Variants in BMP4 observed in about 807,000 individuals in gnomAD.
BMP4 encodes the protein bone morphogenetic protein 4, also known as bone morphogenetic protein 2B.
BMP4 carries 3 observed loss-of-function variants against 29.6 expected under a neutral mutation model. The observed-to-expected ratio is 0.10, with a 90% CI of 0.05 to 0.26. The LOEUF (loss-of-function observed/expected upper bound fraction) is 0.26, where lower values mean the gene tolerates loss of function less well. Ranked by LOEUF, BMP4 falls within the 10% of genes least tolerant of loss-of-function variation. The probability of loss-of-function intolerance (pLI) is 1.00; values close to 1 mark genes in which losing one functional copy is unlikely to be tolerated. For synonymous variants in BMP4, 197 were observed against 213.2 expected (o/e 0.92, Z 0.66); for missense variants, 455 against 550.2 (o/e 0.83, Z 1.73).
In BMP4 at chr14:53,949,961, C is replaced by G; in HGVS notation, c.*71G>C. 1 of 1,517,868 alleles carries G rather than the reference C, an allele frequency of 6.6e-7. No individual in the cohort carries two copies. Among genetic ancestry groups the G allele is most frequent in the South Asian group, 1.2e-5 (1 of 86,454 alleles). The allele number at this position is 1,517,868 out of a possible 1,614,324, so 94.0% of individuals were successfully genotyped here. A position where few individuals can be genotyped will look rare whatever the true frequency, so the allele number is the denominator to read the frequency against. On this transcript the variant is annotated 3_prime_UTR_variant, in exon 4 of 4. Coordinates refer to ENST00000245451, the MANE Select transcript of BMP4 (RefSeq NM_001202.6). Reference sequence around the variant, plus strand: ...TAGTGTGTGGGTGAGTGGATGGGAACGTGTGTGTGTGGTGTATGTGGTGTG... The same window carrying G: ...TAGTGTGTGGGTGAGTGGATGGGAAGGTGTGTGTGTGGTGTATGTGGTGTG...
chr14:53,951,769 G>A lies in BMP4; in HGVS notation c.370+84C>T, dbSNP rs761256804. On this transcript the variant is annotated intron_variant, in intron 3 of 3. Coordinates refer to ENST00000245451, the MANE Select transcript of BMP4 (RefSeq NM_001202.6). Reference sequence around the variant, plus strand: ...CTGGACTGGGGCTTTGATGTAACCCGAACTCTTCTTCCCCAGGGCTTTCAC... The same window carrying A: ...CTGGACTGGGGCTTTGATGTAACCCAAACTCTTCTTCCCCAGGGCTTTCAC... 1.2e-5 allele frequency: 18 copies of A among 1,550,318 alleles called. No individual in the cohort carries two copies. The Admixed American group carries it at 2.5e-4, about 22-fold the overall frequency.
chr14:53,953,396 G>C lies in BMP4; in HGVS notation c.-128C>G, dbSNP rs1057184255. On this transcript the variant is annotated 5_prime_UTR_variant, in exon 2 of 4. Transcript: ENST00000245451. ...GTTGCTCGGGATGGCACTACGGAAT[G>C]GCTCCTAAAAGGAATATTTGAATAT... 8 of 399,034 alleles carry C rather than the reference G, an allele frequency of 2.0e-5. No individual in the cohort carries two copies. In the Admixed American group the frequency reaches 2.6e-4, roughly 13 times the overall value. The allele number at this position is 399,034 out of a possible 1,614,324, so 24.7% of individuals were successfully genotyped here. A position where few individuals can be genotyped will look rare whatever the true frequency, so the allele number is the denominator to read the frequency against.
In BMP4 at chr14:53,949,881, T is replaced by C; in HGVS notation, c.*151A>G. On this transcript the variant is annotated 3_prime_UTR_variant, in exon 4 of 4. Coordinates refer to ENST00000245451, the MANE Select transcript of BMP4 (RefSeq NM_001202.6). ...TCAAGGTGAATGTTTAGGGATTTTTTCCTTTTTTTTTTTTTTTTTTAAATA... is the reference window on the plus strand; with the variant it reads ...TCAAGGTGAATGTTTAGGGATTTTTCCCTTTTTTTTTTTTTTTTTTAAATA... 1 of 719,044 alleles carries C rather than the reference T, an allele frequency of 1.4e-6. No individual in the cohort carries two copies. Among genetic ancestry groups the C allele is most frequent in the Non-Finnish European group, 2.1e-6 (1 of 471,652 alleles). 44.5% of individuals were successfully genotyped at this position (719,044 alleles called of 1,614,324 possible). A position where few individuals can be genotyped will look rare whatever the true frequency, so the allele number is the denominator to read the frequency against.
Position 53,954,421 on chromosome 14 carries a change from CA to C in BMP4, c.-132-1022del, listed in dbSNP as rs1426763001. ...ACCCGGCGCAGAAAGGAAATCCCAC[CA>C]TGTTCCCCGGAGTCGAGAAAACGGT... On this transcript the variant is annotated intron_variant, in intron 1 of 3. Coordinates refer to ENST00000245451, the MANE Select transcript of BMP4 (RefSeq NM_001202.6). The surrounding 1 kb of genome is among the most constrained non-coding windows in gnomAD (Gnocchi z 4.8). The C allele has an allele frequency of 1.3e-5, 2 of 152,142 alleles. No homozygotes were observed. The highest frequency in any genetic ancestry group is 2.9e-5 in the Non-Finnish European group (2 of 68,054). 9.4% of individuals were successfully genotyped at this position (152,142 alleles called of 1,614,324 possible).
At chr14:53,956,505 T>G in intron 1 of BMP4, 45 bp downstream of exon 1, 1 of 399,724 alleles carries the variant, frequency 2.5e-6, no homozygotes, top group East Asian at 3.6e-5. Flanking sequence ...AGGAGGCTCC[T>G]AGACCCCCTC....
chr14:53,953,531 C>G (rs1377578490), intron 1 of BMP4, 131 bp from the exon 2 acceptor site: 1 of 390,230 alleles, frequency 2.6e-6, no homozygotes, highest in Non-Finnish European at 4.5e-6. Flanking sequence ...GCGCCCTCCC[C>G]TCCTCCACAG....
chr14:53,952,099 C>T lies in BMP4; in HGVS notation c.124G>A (p.Ala42Thr). 6.2e-7 allele frequency: 1 copy of T among 1,613,862 alleles called. No homozygotes were observed. The highest frequency in any genetic ancestry group is 8.5e-7 in the Non-Finnish European group (1 of 1,179,758). The change falls in exon 3 of 4, where the codon GCG becomes ACG. Residue 42 changes from alanine to threonine, a missense_variant. This residue lies in a region of BMP4 where 249 missense variants were observed against 284.6 expected (regional missense o/e 0.87). Coordinates refer to ENST00000245451, the MANE Select transcript of BMP4 (RefSeq NM_001202.6). Reference protein sequence around the residue: ...KKKVAEIQGHAGGRRSGQSHE... With the variant: ...KKKVAEIQGHTGGRRSGQSHE... ...CTCTGCCCTGAGCGGCGTCCTCCCG[C>T]GTGGCCCTGAATCTCGGCGACTTTT...
At position 53,950,257 on chromosome 14, in the gene BMP4, G is replaced by A. The variant is rs1443117102; in HGVS notation, c.1002C>T (p.Ala334=). The change falls in exon 4 of 4, where the codon GCC becomes GCT. Residue 334 remains alanine, a synonymous_variant. Transcript: ENST00000245451. This position sits in a 1 kb window ranked among gnomAD's most constrained non-coding sequence, Gnocchi z 5.4. ...AGGGGCAGTCCCCATGGCAGTAGAA[G>A]GCCTGGTAGCCTGGTGGGGCCACAA... ...DWIVAPPGYQ[A]FYCHGDCPFP... The A allele has an allele frequency of 6.2e-7, 1 of 1,614,152 alleles. No homozygotes were observed. The highest frequency in any genetic ancestry group is 8.5e-7 in the Non-Finnish European group (1 of 1,180,064).
At chr14:53,956,852 C>T, upstream of BMP4, 2 of 395,632 alleles carry the variant, frequency 5.1e-6, no homozygotes, top group Non-Finnish European at 8.9e-6. Context: ...CCCTCGCTTT[C>T]TTTCTTTCCT....
chr14:53,953,880 T>A (rs1327656505), intron 1 of BMP4, among the ~76,000 whole-genome samples: 1 of 148,836 alleles, frequency 6.7e-6, no homozygotes, highest in Non-Finnish European at 1.5e-5. Context: ...CGAGAGGCAC[T>A]TAAAAAGGAA....
chr14:53,956,700 C>G lies in BMP4; in HGVS notation c.-283G>C, dbSNP rs544529209. The G allele has an allele frequency of 1.9e-3, 765 of 399,180 alleles. 9 individuals carry two copies. The highest frequency in any genetic ancestry group is 0.014 in the African/African-American group (705 of 48,752). 24.7% of individuals were successfully genotyped at this position (399,180 alleles called of 1,614,324 possible). ...CCATCGGGGAGACAAGCTAGATACTCAGCCGGAGCAGCAGCGGCGTCTCAG... is the reference window on the plus strand; with the variant it reads ...CCATCGGGGAGACAAGCTAGATACTGAGCCGGAGCAGCAGCGGCGTCTCAG... On this transcript the variant is annotated 5_prime_UTR_variant, in exon 1 of 4. Coordinates refer to ENST00000245451, the MANE Select transcript of BMP4 (RefSeq NM_001202.6).
chr14:53,952,001 G>A lies in BMP4; in HGVS notation c.222C>T (p.Ser74=), dbSNP rs1895450720. 1 of 1,613,680 alleles carries A rather than the reference G, an allele frequency of 6.2e-7. No individual in the cohort carries two copies. The highest frequency in any genetic ancestry group is 1.3e-5 in the African/African-American group (1 of 74,954). ...MFGLRRRPQP[S]KSAVIPDYMR... ...TGTAGTCCGGAATGACGGCACTCTTGCTAGGCTGCGGGCGGCGGCGCAGCC... is the reference window on the plus strand; with the variant it reads ...TGTAGTCCGGAATGACGGCACTCTTACTAGGCTGCGGGCGGCGGCGCAGCC... Residue 74 remains serine (S), a synonymous_variant, in exon 3 of 4, where the codon AGC becomes AGT. Transcript: ENST00000245451.
At position 53,950,492 on chromosome 14, in the gene BMP4, C is replaced by T. The variant is rs746984770; in HGVS notation, c.767G>A (p.Arg256Gln). The change falls in exon 4 of 4, where the codon CGA (arginine) becomes CAA (glutamine). Residue 256 changes from arginine (R) to glutamine (Q), a missense_variant. Coordinates refer to ENST00000245451, the MANE Select transcript of BMP4 (RefSeq NM_001202.6). This position sits in a 1 kb window ranked among gnomAD's most constrained non-coding sequence, Gnocchi z 5.4. ...ATTCCCACTCCCTTGAGGTAACGAT[C>T]GGCTAATCCTGACATGCTGGCCCTG... ...THQGQHVRIS[R>Q]SLPQGSGNWA... is the part of the protein sequence containing the mutation. 1.4e-5 allele frequency: 23 copies of T among 1,614,136 alleles called. No individual in the cohort carries two copies. The highest frequency in any genetic ancestry group is 1.9e-5 in the Non-Finnish European group (22 of 1,180,032).
Position 53,955,101 on chromosome 14 carries a change from G to T in BMP4, c.-133+1449C>A, listed in dbSNP as rs1481009122. Among the ~76,000 whole-genome samples the T allele has an allele frequency of 6.6e-6, 1 of 152,214 alleles. No homozygotes were observed. The highest frequency in any genetic ancestry group is 2.4e-5 in the African/African-American group (1 of 41,462). Reference sequence around the variant, plus strand: ...GAGCCGCGCGGCTTTCGCCTTTGCTGGTCCCGCGCCACCGCTGGGGCGGGC... The same window carrying T: ...GAGCCGCGCGGCTTTCGCCTTTGCTTGTCCCGCGCCACCGCTGGGGCGGGC... On this transcript the variant is annotated intron_variant, in intron 1 of 3. Coordinates refer to ENST00000245451, the MANE Select transcript of BMP4 (RefSeq NM_001202.6). The surrounding 1 kb of genome is among the most constrained non-coding windows in gnomAD (Gnocchi z 4.0).
In BMP4 at chr14:53,950,469, T is replaced by A. The variant is rs750213467; in HGVS notation, c.790A>T (p.Asn264Tyr). 1 of 1,614,044 alleles carries A rather than the reference T, an allele frequency of 6.2e-7. No homozygotes were observed. Among genetic ancestry groups the A allele is most frequent in the Non-Finnish European group, 8.5e-7 (1 of 1,180,032 alleles). Residue 264 changes from asparagine to tyrosine, a missense_variant, in exon 4 of 4, where the codon AAT (asparagine) becomes TAT (tyrosine). Coordinates refer to ENST00000245451, the MANE Select transcript of BMP4 (RefSeq NM_001202.6). This position sits in a 1 kb window ranked among gnomAD's most constrained non-coding sequence, Gnocchi z 5.4. ...AGGAGGGGCCGGAGCTGGGCCCAAT[T>A]CCCACTCCCTTGAGGTAACGATCGG... ...ISRSLPQGSG[N>Y]WAQLRPLLVT...
In BMP4 at chr14:53,954,141, G is replaced by A. The variant is rs966606418; in HGVS notation, c.-132-741C>T. Among the ~76,000 whole-genome samples, 13 of 152,128 alleles carry A rather than the reference G, an allele frequency of 8.5e-5. No individual in the cohort carries two copies. Among genetic ancestry groups the A allele is most frequent in the Non-Finnish European group, 1.8e-4 (12 of 68,012 alleles). ...GGGAATGGGAGGGAGGGTGTTAGAG[G>A]GTGATCGCTGTGGGAAAGTGAGAGG... is the stretch of plus-strand genomic sequence containing the variant. On this transcript the variant is annotated intron_variant, in intron 1 of 3. Transcript: ENST00000245451. The surrounding 1 kb of genome is among the most constrained non-coding windows in gnomAD (Gnocchi z 4.8).
In BMP4 at chr14:53,951,835, C is replaced by A; in HGVS notation, c.370+18G>T. 6.3e-7 allele frequency: 1 copy of A among 1,598,640 alleles called. No homozygotes were observed. The highest frequency in any genetic ancestry group is 8.5e-7 in the Non-Finnish European group (1 of 1,179,822). On this transcript the variant is annotated intron_variant, in intron 3 of 3. Transcript: ENST00000245451. ...TCCCACCAGCCCTCCCCCACGCAGA[C>A]TGGGGGAAGAGACTGACCTTCGTGG...
chr14:53,956,545 C>A lies in BMP4; in HGVS notation c.-133+5G>T. 1 of 399,664 alleles carries A rather than the reference C, an allele frequency of 2.5e-6. No individual in the cohort carries two copies. Among genetic ancestry groups the A allele is most frequent in the Non-Finnish European group, 4.4e-6 (1 of 226,578 alleles). The allele number at this position is 399,664 out of a possible 1,614,324, so 24.8% of individuals were successfully genotyped here. A position where few individuals can be genotyped will look rare whatever the true frequency, so the allele number is the denominator to read the frequency against. On this transcript the variant is annotated splice_donor_5th_base_variant and intron_variant, in intron 1 of 3. Transcript: ENST00000245451. ...TGTCTCCCCTCACCAGGTAGCCTTGCTCACCATAGGTCCCTGCAGTAGCGG... is the reference window on the plus strand; with the variant it reads ...TGTCTCCCCTCACCAGGTAGCCTTGATCACCATAGGTCCCTGCAGTAGCGG...
chr14:53,951,695 C>T (rs572551373), intron 3 of BMP4, 158 bp downstream of exon 3: 63 of 1,201,780 alleles, frequency 5.2e-5, no homozygotes, highest in Non-Finnish European at 6.9e-5. Context: ...ATAAGTTCGG[C>T]GGCAGCTCTG....
Sources: gnomAD v4.1 joint callset for allele counts (sites outside exome capture counted in the v4.1 genomes callset) on GRCh38, gnomAD v4.1.1 for gene constraint, gnomAD v4.1.1 regional missense constraint, Gnocchi (gnomAD v3.1) non-coding constraint, MANE v1.5 for transcripts, NCBI Gene and HGNC (gene_info 2026-07-23, HGNC 2026-07-21) for gene names.